The following BEND2 variants were observed in gnomAD, a reference collection of about 807,000 sequenced individuals.
BEND2 encodes BEN domain containing 2.
Under a neutral mutation model 43.8 loss-of-function variants are expected in BEND2, and 19 were observed. The observed-to-expected ratio is 0.43, with a 90% CI of 0.30 to 0.64. The LOEUF is 0.64. Among genes scored for constraint, BEND2 ranks in the 30% least tolerant of loss-of-function variants. The pLI is 0.11. For missense variants in BEND2, 544 were observed against 574.0 expected (o/e 0.95, Z 0.53); for synonymous variants, 226 against 210.1 (o/e 1.08, Z -0.66).
At chrX:18,167,456 A>G (rs1318289804) in intron 13 of BEND2, among the ~76,000 whole-genome samples, 1 of 112,282 alleles carries the variant, frequency 8.9e-6, no homozygotes, top group Non-Finnish European at 1.9e-5. Context: ...ATTAAAAGGT[A>G]CTAGCAGTAT....
chrX:18,163,116 C>T lies in BEND2; in HGVS notation c.*1893G>A, dbSNP rs1316054809. 1.8e-5 allele frequency: 2 copies of T among 111,814 alleles called. No homozygotes were observed. Among genetic ancestry groups the T allele is most frequent in the Non-Finnish European group, 3.8e-5 (2 of 53,140 alleles). 9.2% of individuals were successfully genotyped at this position (111,814 alleles called of 1,213,427 possible). The stretch of plus-strand genomic sequence containing the variant: ...TTTTGAAGACACAATTCCACTTTAA[C>T]ATAAAATACAAAACACCTTTATAAA... On this transcript the variant is annotated 3_prime_UTR_variant, in exon 14 of 14. Coordinates refer to ENST00000380033, the MANE Select transcript of BEND2 (RefSeq NM_153346.5).
At chrX:18,211,521 G>A (rs905806961) in intron 4 of BEND2, among the ~76,000 whole-genome samples, 4 of 112,332 alleles carry the variant, frequency 3.6e-5, no homozygotes, top group Admixed American at 9.4e-5. Flanking sequence ...GGTGGCTCAC[G>A]CCTGTAATCC....
chrX:18,208,849 T>TAGGATCAATGACACAAGAGGAC (rs1256618691), intron 4 of BEND2, among the ~76,000 whole-genome samples: 43 of 111,516 alleles, frequency 3.9e-4, no homozygotes, highest in African/African-American at 1.2e-3. Flanking sequence ...TGAGAAGGCC[T>TAGGATCAATGACACAAGAGGAC]AGGATCAATG....
chrX:18,200,809 T>C lies in BEND2; in HGVS notation c.1033+1006A>G, dbSNP rs1285902582. Among the ~76,000 whole-genome samples the C allele has an allele frequency of 4.5e-5, 5 of 111,858 alleles. No homozygotes were observed. In the East Asian group the frequency reaches 1.4e-3, roughly 32 times the overall value. ...TGATAGAAACGTTCTATGTCTTCAC[T>C]GGAGGTAGACATTAAAACTACTTGT... On this transcript the variant is annotated intron_variant, in intron 6 of 13. Transcript: ENST00000380033.
rs143319711 is a variant in BEND2 at position 18,176,703 on chromosome X, A to G, written c.1631-610T>C. ...CTGAAAAAAAAAATTTTAAGTGTGT[A>G]ACCCAATGTTGACTATTTCAGGGTG... is the stretch of plus-strand genomic sequence containing the variant. On this transcript the variant is annotated intron_variant, in intron 10 of 13. Transcript: ENST00000380033. Among the ~76,000 whole-genome samples the G allele has an allele frequency of 4.4e-3, 490 of 111,153 alleles. 6 individuals are homozygous for G. The highest frequency in any genetic ancestry group is 0.015 in the African/African-American group (453 of 30,594).
chrX:18,174,406 G>A (rs181839201), intron 11 of BEND2, 148 bp from the exon 12 acceptor site: 202 of 492,751 alleles, frequency 4.1e-4, no homozygotes, highest in African/African-American at 3.9e-3. Context: ...ACTGTGTGTC[G>A]CAATACTATC....
intron 13 of BEND2, among the ~76,000 whole-genome samples, chrX:18,170,252 C>G (rs1261247032): frequency 8.9e-6 from 1 of 112,055 alleles, no homozygotes; most frequent in Non-Finnish European, 1.9e-5. Context: ...AAAAGTCACA[C>G]TCACACAGAG....
intron 4 of BEND2, among the ~76,000 whole-genome samples, chrX:18,209,082 C>G (rs1253833037): frequency 9.0e-6 from 1 of 111,238 alleles, no homozygotes; most frequent in Non-Finnish European, 1.9e-5. Flanking sequence ...GAAGGAGCTC[C>G]CAATAGCCAA....
At chrX:18,202,316 T>G (rs1216498573) in intron 5 of BEND2, among the ~76,000 whole-genome samples, 1 of 112,257 alleles carries the variant, frequency 8.9e-6, no homozygotes, top group East Asian at 2.8e-4. Flanking sequence ...CTCATTACAT[T>G]GGGTATAATA....
At chrX:18,197,204 G>A (rs750155156) in intron 6 of BEND2, among the ~76,000 whole-genome samples, 1 of 112,080 alleles carries the variant, frequency 8.9e-6, no homozygotes, top group South Asian at 3.7e-4. Flanking sequence ...GGAGGCCAAG[G>A]AGGGTAGATC....
At chrX:18,218,334 G>A (rs1371969357) in intron 1 of BEND2, among the ~76,000 whole-genome samples, 2 of 111,381 alleles carry the variant, frequency 1.8e-5, no homozygotes, top group Non-Finnish European at 3.8e-5. Flanking sequence ...CTTTTCTGTC[G>A]ATTCTGTACA....
At position 18,220,611 on chromosome X, in the gene BEND2, T is replaced by C. The variant is rs1308985994; in HGVS notation, c.25+115A>G. 7 of 1,049,977 alleles carry C rather than the reference T, an allele frequency of 6.7e-6. No individual in the cohort carries two copies. In the Admixed American group the frequency reaches 1.6e-4, roughly 24 times the overall value. The allele number at this position is 1,049,977 out of a possible 1,213,427, so 86.5% of individuals were successfully genotyped here. On this transcript the variant is annotated intron_variant, in intron 1 of 13. Coordinates refer to ENST00000380033, the MANE Select transcript of BEND2 (RefSeq NM_153346.5). ...GAGGCCGCCCCCCGACACGCCCCGG[T>C]CAATGACTAGCCAATCCTGCCGCCC...
intron 4 of BEND2, among the ~76,000 whole-genome samples, chrX:18,206,544 T>A (rs916362514): frequency 1.8e-5 from 2 of 108,499 alleles, no homozygotes; most frequent in Non-Finnish European, 3.8e-5. Flanking sequence ...GGAAGGAGGG[T>A]CAGGAGCTAG....
At chrX:18,205,405 A>AAAC (rs1368892701) in intron 4 of BEND2, among the ~76,000 whole-genome samples, 1 of 107,833 alleles carries the variant, frequency 9.3e-6, no homozygotes, top group Non-Finnish European at 1.9e-5. Context: ...CTCTAACAAA[A>AAAC]AACAACAACA....
At chrX:18,219,119 C>A (rs1925765892) in intron 1 of BEND2, among the ~76,000 whole-genome samples, 1 of 112,027 alleles carries the variant, frequency 8.9e-6, no homozygotes, top group Non-Finnish European at 1.9e-5. Context: ...GGCAGCCCTT[C>A]CTTTGCCGCC....
rs1402966383 is a variant in BEND2, at chrX:18,216,671, C to T, written c.88G>A (p.Glu30Lys). 20 of 1,210,606 alleles carry T rather than the reference C, an allele frequency of 1.7e-5. No homozygotes were observed. Among genetic ancestry groups the T allele is most frequent in the Non-Finnish European group, 2.0e-5 (18 of 894,653 alleles). ...DNNDCSIEMVEVSETADNSTN... is the reference protein window; with the variant it reads ...DNNDCSIEMVKVSETADNSTN... The stretch of plus-strand genomic sequence containing the variant: ...GAATTATCTGCTGTTTCAGAAACTT[C>T]CACCATCTCAATACTGCAATCATTG... The change falls in exon 2 of 14, where the codon GAA becomes AAA. Residue 30 changes from glutamate (E) to lysine (K), a missense_variant. Around this residue, in one of 2 missense-constraint regions of BEND2, gnomAD observed 501 missense variants for 501.6 expected, o/e 1.00. Coordinates refer to ENST00000380033, the MANE Select transcript of BEND2 (RefSeq NM_153346.5).
At chrX:18,180,783 T>G in intron 8 of BEND2, 133 bp from the exon 9 acceptor site, 1 of 484,990 alleles carries the variant, frequency 2.1e-6, no homozygotes, top group East Asian at 3.8e-5. Flanking sequence ...CTTTTTTTTT[T>G]TCTTTCTTTC....
chrX:18,214,601 A>G (rs1384376518), intron 2 of BEND2, among the ~76,000 whole-genome samples: 1 of 109,702 alleles, frequency 9.1e-6, no homozygotes, highest in Non-Finnish European at 1.9e-5. Context: ...AGGCGGGCGG[A>G]TCACTTGAGG....
intron 3 of BEND2, among the ~76,000 whole-genome samples, chrX:18,213,337 T>G (rs924264099): frequency 1.8e-5 from 2 of 112,132 alleles, no homozygotes; most frequent in African/African-American, 6.5e-5. Context: ...GATTGTATCT[T>G]GTACTAGAGA....
Sources: allele counts gnomAD v4.1 joint callset (sites outside exome capture counted in the v4.1 genomes callset), GRCh38; gene constraint gnomAD v4.1.1; regional missense constraint gnomAD v4.1.1; transcripts MANE v1.5; gene names NCBI Gene and HGNC (gene_info 2026-07-23, HGNC 2026-07-21).